ATAD2B: variants seen among roughly 807,000 people sequenced by gnomAD.
ATAD2B encodes ATPase family AAA domain-containing protein 2B.
ATAD2B carries 40 observed loss-of-function variants against 167.6 expected under a neutral mutation model. The observed-to-expected ratio is 0.24, with a 90% CI of 0.19 to 0.31. The LOEUF (loss-of-function observed/expected upper bound fraction) is 0.31, where lower values mean the gene tolerates loss of function less well. ATAD2B is among the 10% of genes least tolerant of loss of function. ATAD2B has a pLI of 1.00. For missense variants in ATAD2B, 1,242 were observed against 1,757.2 expected (o/e 0.71, Z 5.24); for synonymous variants, 579 against 596.5 (o/e 0.97, Z 0.43).
At chr2:23,745,726 C>T (rs546982981), downstream of ATAD2B, among the ~76,000 whole-genome samples, 2 of 152,308 alleles carry the variant, frequency 1.3e-5, no homozygotes, top group South Asian at 2.1e-4. Context: ...ACCTGGCACT[C>T]AGTTGTCTGC....
intron 4 of ATAD2B, among the ~76,000 whole-genome samples, chr2:23,887,267 G>A (rs1698821832): frequency 1.3e-5 from 2 of 151,970 alleles, no homozygotes; most frequent in Admixed American, 6.6e-5. Flanking sequence ...TCACTATGCT[G>A]CCGTGACTGG....
At chr2:23,884,914 T>C in intron 5 of ATAD2B, 41 bp from the exon 6 acceptor site, 1 of 1,302,300 alleles carries the variant, frequency 7.7e-7, no homozygotes, top group Non-Finnish European at 1.0e-6. Context: ...ACATGACATT[T>C]ATTCTCCACT....
At chr2:23,711,078 T>C in the ATAD2B span, among the ~76,000 whole-genome samples, 9 of 152,182 alleles carry the variant, frequency 5.9e-5, no homozygotes, top group Admixed American at 5.9e-4. Flanking sequence ...AAACAATGTA[T>C]ATTTTTATGA....
chr2:23,749,215 T>A lies in ATAD2B; in HGVS notation c.*2831A>T, dbSNP rs2149285394. 1 of 151,614 alleles carries A rather than the reference T, an allele frequency of 6.6e-6. No homozygotes were observed. Among genetic ancestry groups the A allele is most frequent in the East Asian group, 1.9e-4 (1 of 5,162 alleles). 9.4% of individuals were successfully genotyped at this position (151,614 alleles called of 1,614,324 possible). ...GTGAGATTCAAGCTCGAAAACACAATTAACTCCACAGCCATCAGTTTCAAC... is the reference window on the plus strand; with the variant it reads ...GTGAGATTCAAGCTCGAAAACACAAATAACTCCACAGCCATCAGTTTCAAC... On this transcript the variant is annotated 3_prime_UTR_variant, in exon 28 of 28. Coordinates refer to ENST00000238789, the MANE Select transcript of ATAD2B (RefSeq NM_017552.4).
chr2:23,893,557 A>G (rs1482802332), intron 2 of ATAD2B, among the ~76,000 whole-genome samples: 2 of 151,842 alleles, frequency 1.3e-5, no homozygotes, highest in Non-Finnish European at 2.9e-5. Flanking sequence ...TGAATCTAAT[A>G]GGTCAAATTG....
downstream of ATAD2B, among the ~76,000 whole-genome samples, chr2:23,747,368 ACTATACAG>A (rs1674951249): frequency 6.6e-6 from 1 of 151,470 alleles, no homozygotes; most frequent in Admixed American, 6.6e-5. Context: ...TATATATAAT[ACTATACAG>A]CCCTGAAATA....
intron 25 of ATAD2B, among the ~76,000 whole-genome samples, chr2:23,756,665 G>A (rs1203220554): frequency 6.6e-6 from 1 of 152,076 alleles, no homozygotes; most frequent in Non-Finnish European, 1.5e-5. Context: ...TCAGAAGCTG[G>A]GAGAGTACTC....
intron 14 of ATAD2B, among the ~76,000 whole-genome samples, chr2:23,830,401 T>G (rs1344728434): frequency 6.6e-6 from 1 of 152,212 alleles, no homozygotes; most frequent in East Asian, 1.9e-4. Context: ...TGGAGAAAAT[T>G]ACAACACTTT....
intron 9 of ATAD2B, 109 bp from the exon 10 acceptor site, chr2:23,868,055 A>T (rs1695405015): frequency 7.0e-6 from 5 of 712,344 alleles, no homozygotes; most frequent in Non-Finnish European, 1.2e-5. Context: ...TTTTTCTCAT[A>T]ACCCAGAAAA....
At chr2:23,852,159 C>A (rs1307888881) in intron 13 of ATAD2B, among the ~76,000 whole-genome samples, 2 of 152,194 alleles carry the variant, frequency 1.3e-5, no homozygotes, top group Non-Finnish European at 1.5e-5. Context: ...AACTTGTAAT[C>A]AAAAACCTTT....
intron 13 of ATAD2B, among the ~76,000 whole-genome samples, chr2:23,842,523 A>G (rs772624309): frequency 2.6e-5 from 4 of 152,166 alleles, no homozygotes; most frequent in Admixed American, 6.5e-5. Flanking sequence ...TCACTTGGAG[A>G]AGAAAAAGTA....
the ATAD2B span, chr2:23,691,573 C>T: frequency 1.0e-6 from 1 of 980,510 alleles, no homozygotes; most frequent in South Asian, 1.5e-5. Flanking sequence ...AGCCCTAAAA[C>T]CAAGGGCATG....
At chr2:23,808,153 G>GTAA (rs1558570427) in intron 18 of ATAD2B, among the ~76,000 whole-genome samples, 15 of 23,720 alleles carry the variant, frequency 6.3e-4, no homozygotes, top group Non-Finnish European at 8.8e-4. Context: ...TATATTATAT[G>GTAA]TTATTTATAT....
chr2:23,797,064 CAGTAA>C lies in ATAD2B; in HGVS notation c.2640+1069_2640+1073del, dbSNP rs1315304923. Among the ~76,000 whole-genome samples, 9 of 151,970 alleles carry C rather than the reference CAGTAA, an allele frequency of 5.9e-5. No homozygotes were observed. The East Asian group carries it at 1.7e-3, about 29-fold the overall frequency. On this transcript the variant is annotated intron_variant, in intron 19 of 27. Transcript: ENST00000238789. Reference sequence around the variant, plus strand: ...TTTAATATATTTTCCTTACAAAAAGCAGTAAAGTATACAAATCTATTTTAGCAAGA... The same window carrying C: ...TTTAATATATTTTCCTTACAAAAAGCAGTATACAAATCTATTTTAGCAAGA...
chr2:23,816,511 G>A (rs1167787874), intron 17 of ATAD2B, among the ~76,000 whole-genome samples: 2 of 152,090 alleles, frequency 1.3e-5, no homozygotes, highest in Non-Finnish European at 2.9e-5. Flanking sequence ...CAACATAGTG[G>A]ATGAAAAAGT....
the ATAD2B span, among the ~76,000 whole-genome samples, chr2:23,730,938 A>G: frequency 1.3e-5 from 2 of 152,016 alleles, no homozygotes; most frequent in Non-Finnish European, 2.9e-5. Flanking sequence ...AAGAAAAAAA[A>G]AGAGAAGATA....
intron 18 of ATAD2B, among the ~76,000 whole-genome samples, chr2:23,804,709 G>GT (rs1417093093): frequency 1.3e-5 from 2 of 149,322 alleles, no homozygotes; most frequent in Non-Finnish European, 3.0e-5. Flanking sequence ...TCAATATATA[G>GT]TTCACTACAA....
intron 13 of ATAD2B, among the ~76,000 whole-genome samples, chr2:23,848,130 G>A (rs999927087): frequency 6.6e-6 from 1 of 152,050 alleles, no homozygotes; most frequent in African/African-American, 2.4e-5. Context: ...AGGATAGAGA[G>A]CACCAGAAAT....
intron 12 of ATAD2B, among the ~76,000 whole-genome samples, chr2:23,862,539 A>G (rs1362217792): frequency 6.6e-6 from 1 of 151,880 alleles, no homozygotes; most frequent in African/African-American, 2.4e-5. Flanking sequence ...GCCTCTTAAA[A>G]TATCGGGATT....
Sources: allele counts gnomAD v4.1 joint callset (sites outside exome capture counted in the v4.1 genomes callset), GRCh38; gene constraint gnomAD v4.1.1; transcripts MANE v1.5; gene names NCBI Gene and HGNC (gene_info 2026-07-23, HGNC 2026-07-21).